Variants in COG6 observed in about 807,000 individuals in gnomAD.
COG6 encodes component of oligomeric golgi complex 6, also known as conserved oligomeric Golgi complex subunit 6.
A neutral mutation model predicts 88.8 loss-of-function variants in COG6; 74 were observed. The ratio of observed to expected loss-of-function variants is 0.83; its 90% CI spans 0.69 to 1.01. The LOEUF (loss-of-function observed/expected upper bound fraction) is 1.01. Ranked by LOEUF, COG6 falls within the 50% of genes least tolerant of loss-of-function variation. The pLI, the probability that COG6 is intolerant of heterozygous loss-of-function variation, is 0.00. For missense variants in COG6, 800 were observed against 797.9 expected (o/e 1.00, Z -0.03); for synonymous variants, 286 against 278.7 (o/e 1.03, Z -0.26).
At chr13:39,740,729 T>A (rs954606621) in intron 18 of COG6, among the ~76,000 whole-genome samples, 3 of 152,310 alleles carry the variant, frequency 2.0e-5, no homozygotes, top group Middle Eastern at 3.4e-3. Context: ...GACACATAGC[T>A]GACCTAGGAT....
chr13:39,727,601 T>G, intron 18 of COG6, 53 bp downstream of exon 18: 1 of 1,280,814 alleles, frequency 7.8e-7, no homozygotes, highest in South Asian at 1.2e-5. Context: ...TTTTTAAATA[T>G]CAAGTACATT....
chr13:39,788,307 G>T, intron 18 of COG6: 2 of 1,551,490 alleles, frequency 1.3e-6, no homozygotes, highest in Non-Finnish European at 1.7e-6. Flanking sequence ...CAGCAACATT[G>T]TCTTTGATTG....
At chr13:39,783,647 AAACT>A (rs1206673500) in intron 18 of COG6, among the ~76,000 whole-genome samples, 1 of 152,158 alleles carries the variant, frequency 6.6e-6, no homozygotes, top group African/African-American at 2.4e-5. Flanking sequence ...ACACCAATCC[AAACT>A]AACCTTAAGT....
At chr13:39,737,644 G>A (rs1353861366) in intron 18 of COG6, among the ~76,000 whole-genome samples, 2 of 151,660 alleles carry the variant, frequency 1.3e-5, no homozygotes, top group African/African-American at 2.4e-5. Context: ...AAGTACTCCC[G>A]TGGCTGCCCT....
intron 18 of COG6, among the ~76,000 whole-genome samples, chr13:39,747,270 G>A (rs897930882): frequency 2.0e-5 from 3 of 152,098 alleles, no homozygotes; most frequent in Non-Finnish European, 4.4e-5. Context: ...ACTCATATTT[G>A]TTCAGAAATG....
chr13:39,707,277 C>T (rs1705540415), intron 13 of COG6, among the ~76,000 whole-genome samples: 1 of 151,668 alleles, frequency 6.6e-6, no homozygotes, highest in South Asian at 2.1e-4. Flanking sequence ...TACAGGCATG[C>T]ACCACCACAC....
chr13:39,666,324 C>A (rs911192930), intron 4 of COG6, among the ~76,000 whole-genome samples: 1 of 152,072 alleles, frequency 6.6e-6, no homozygotes, highest in East Asian at 1.9e-4. Flanking sequence ...TCATTTGAGC[C>A]CAGGAGTTCA....
At position 39,744,039 on chromosome 13, in the gene COG6, G is replaced by A. The variant is rs553867987; in HGVS notation, c.1827-6907G>A. 7.2e-5 allele frequency among the ~76,000 whole-genome samples: 11 copies of A among 152,184 alleles called. No individual in the cohort carries two copies. In the East Asian group the frequency reaches 1.4e-3, roughly 19 times the overall value. ...CTCAATAAACGCAGAAAGGGCCTTC[G>A]ACAAAATTCCACAGCCCTTCATGCT... On this transcript the variant is annotated intron_variant, in intron 18 of 18. Coordinates refer to ENST00000455146, the MANE Select transcript of COG6 (RefSeq NM_020751.3).
At chr13:39,687,254 T>C (rs1277687003) in intron 8 of COG6, among the ~76,000 whole-genome samples, 1 of 152,148 alleles carries the variant, frequency 6.6e-6, no homozygotes, top group Non-Finnish European at 1.5e-5. Context: ...CTGCCTCTGC[T>C]TTAGTCCCAA....
chr13:39,667,875 T>G (rs537567278), intron 4 of COG6, among the ~76,000 whole-genome samples: 2 of 152,322 alleles, frequency 1.3e-5, no homozygotes, highest in African/African-American at 4.8e-5. Context: ...CTTTCCTGTT[T>G]TAAAAAAGGC....
chr13:39,678,120 G>T (rs763533339), intron 5 of COG6: 5 of 435,290 alleles, frequency 1.1e-5, no homozygotes, highest in Non-Finnish European at 2.3e-5. Context: ...TGGCTGGAGT[G>T]CAGTAGCACG....
At chr13:39,711,727 A>G (rs531693730) in intron 13 of COG6, among the ~76,000 whole-genome samples, 1 of 152,346 alleles carries the variant, frequency 6.6e-6, no homozygotes, top group Non-Finnish European at 1.5e-5. Flanking sequence ...ACATTACAAA[A>G]TACTCATTTT....
Position 39,684,175 on chromosome 13 carries a change from A to G in COG6, c.788+1911A>G, listed in dbSNP as rs1161125641. Among the ~76,000 whole-genome samples, 5 of 150,902 alleles carry G rather than the reference A, an allele frequency of 3.3e-5. No homozygotes were observed. The South Asian group carries it at 1.0e-3, about 32-fold the overall frequency. ...GAAAGATAAAGAATGGAACTATAAT[A>G]GGCAAAGAAGGTTTATCTGTGAAGG... On this transcript the variant is annotated intron_variant, in intron 8 of 18. Coordinates refer to ENST00000455146, the MANE Select transcript of COG6 (RefSeq NM_020751.3).
intron 18 of COG6, 120 bp from the exon 19 acceptor site, chr13:39,750,826 G>C: frequency 1.4e-6 from 1 of 731,832 alleles, no homozygotes; most frequent in Non-Finnish European, 2.4e-6. Context: ...TTATTAAATA[G>C]TGTATGTGTG....
At chr13:39,695,332 T>C (rs538092892) in intron 12 of COG6, among the ~76,000 whole-genome samples, 1 of 151,996 alleles carries the variant, frequency 6.6e-6, no homozygotes, top group South Asian at 2.1e-4. Flanking sequence ...CTCCAAAATA[T>C]GCATTCATTT....
chr13:39,752,660 A>T (rs1377921702), downstream of COG6: 11 of 1,244,246 alleles, frequency 8.8e-6, no homozygotes, highest in Admixed American at 3.1e-4. Flanking sequence ...GCTGTCCTGT[A>T]GATATATATC....
intron 18 of COG6, among the ~76,000 whole-genome samples, chr13:39,737,039 C>A (rs995274519): frequency 6.6e-6 from 1 of 152,186 alleles, no homozygotes; most frequent in African/African-American, 2.4e-5. Flanking sequence ...TTAGGGAACA[C>A]CTCAAGCCCT....
intron 18 of COG6, among the ~76,000 whole-genome samples, chr13:39,739,433 A>G (rs1879935666): frequency 6.6e-6 from 1 of 152,146 alleles, no homozygotes; most frequent in Non-Finnish European, 1.5e-5. Flanking sequence ...GCAAAATTGA[A>G]TTCAGGGTGT....
intron 4 of COG6, among the ~76,000 whole-genome samples, chr13:39,673,991 A>G (rs1199405073): frequency 6.6e-6 from 1 of 152,076 alleles, no homozygotes; most frequent in African/African-American, 2.4e-5. Flanking sequence ...AGCATTAGAT[A>G]TCATCTTTAA....
Sources: gnomAD v4.1 joint callset for allele counts (sites outside exome capture counted in the v4.1 genomes callset) on GRCh38, gnomAD v4.1.1 for gene constraint, MANE v1.5 for transcripts, NCBI Gene and HGNC (gene_info 2026-07-23, HGNC 2026-07-21) for gene names.